COL4A5: variants seen among roughly 807,000 people sequenced by gnomAD.
COL4A5 encodes the protein collagen type IV alpha 5 chain.
Under a neutral mutation model 130.2 loss-of-function variants are expected in COL4A5, and 26 were observed. The observed-to-expected ratio is 0.20, with a 90% CI of 0.15 to 0.28. The LOEUF (loss-of-function observed/expected upper bound fraction) is 0.28. Among genes scored for constraint, COL4A5 ranks in the 10% least tolerant of loss-of-function variants. The pLI, the probability that COL4A5 is intolerant of heterozygous loss-of-function variation, is 1.00. For missense variants in COL4A5, 1,131 were observed against 1,344.3 expected, an observed-to-expected ratio of 0.84 and a Z score of 2.48; for synonymous variants, 496 against 439.6, an observed-to-expected ratio of 1.13 and a Z score of -1.60.
At position 108,694,801 on chromosome X, in the gene COL4A5, T is replaced by C; in HGVS notation, c.4707-6T>C. Reference sequence around the variant, plus strand: ...GATTATGTTCCTTCTCCTTTTCCTTTACCAGATGTGCAGTATGTGAAGCTC... The same window carrying C: ...GATTATGTTCCTTCTCCTTTTCCTTCACCAGATGTGCAGTATGTGAAGCTC... On this transcript the variant is annotated splice_region_variant and splice_polypyrimidine_tract_variant and intron_variant, in intron 50 of 52. Transcript: ENST00000328300. 1 of 1,186,002 alleles carries C rather than the reference T, an allele frequency of 8.4e-7. No homozygotes were observed. Among genetic ancestry groups the C allele is most frequent in the Non-Finnish European group, 1.1e-6 (1 of 872,078 alleles).
chrX:108,441,058 G>A (rs111730175), intron 1 of COL4A5, among the ~76,000 whole-genome samples: 1 of 111,113 alleles, frequency 9.0e-6, no homozygotes, highest in African/African-American at 3.3e-5. Flanking sequence ...TTCAGTTTTA[G>A]GAATGTAGAA....
intron 13 of COL4A5, 27 bp from the exon 14 acceptor site, chrX:108,580,506 G>A: frequency 8.5e-7 from 1 of 1,170,375 alleles, no homozygotes; most frequent in Non-Finnish European, 1.2e-6. Context: ...TATTAACATT[G>A]ATTTCCTTTC....
chrX:108,623,923 A>G (rs1305708760), intron 33 of COL4A5, among the ~76,000 whole-genome samples: 1 of 111,799 alleles, frequency 8.9e-6, no homozygotes, highest in Non-Finnish European at 1.9e-5. Context: ...CTTATTAAAT[A>G]TAGTCAGAAT....
rs757877136 is a variant in COL4A5 at position 108,595,568 on chromosome X, C to A, written c.1483C>A (p.Gln495Lys). ...AACTGGTATTTCAGGGCCTCCAGGT[C>A]AACCTGGTTTGCCAGGTCTCCCAGG... ...IGTGISGPPGQPGLPGLPGPP... is the reference protein window; with the variant it reads ...IGTGISGPPGKPGLPGLPGPP... Residue 495 changes from glutamine (Q) to lysine (K), a missense_variant, in exon 22 of 53, where the codon CAA becomes AAA. Coordinates refer to ENST00000328300, the MANE Select transcript of COL4A5 (RefSeq NM_033380.3). The A allele has an allele frequency of 9.1e-6, 11 of 1,212,089 alleles. No individual in the cohort carries two copies. Among genetic ancestry groups the A allele is most frequent in the East Asian group, 3.0e-5 (1 of 33,837 alleles).
At chrX:108,525,993 T>A (rs777795181) in intron 1 of COL4A5, among the ~76,000 whole-genome samples, 13 of 112,072 alleles carry the variant, frequency 1.2e-4, no homozygotes, top group African/African-American at 3.6e-4. Context: ...TTTTGCCTTA[T>A]GAGTTAGGGC....
intron 36 of COL4A5, among the ~76,000 whole-genome samples, chrX:108,639,482 T>C (rs1304234325): frequency 3.6e-5 from 4 of 111,368 alleles, no homozygotes; most frequent in Non-Finnish European, 7.6e-5. Flanking sequence ...TTCAATGATT[T>C]CTTGGATATG....
intron 1 of COL4A5, among the ~76,000 whole-genome samples, chrX:108,505,238 G>A (rs914513118): frequency 2.0e-5 from 2 of 100,085 alleles, no homozygotes; most frequent in African/African-American, 8.0e-5. Context: ...CAGAAGTGAG[G>A]AGTCGGTGAG....
chrX:108,623,752 A>G (rs1393451536), intron 33 of COL4A5, among the ~76,000 whole-genome samples: 1 of 111,935 alleles, frequency 8.9e-6, no homozygotes, highest in Non-Finnish European at 1.9e-5. Context: ...AAAGAATTAA[A>G]AATATTAATG....
chrX:108,675,226 A>G (rs1009739300), intron 43 of COL4A5, among the ~76,000 whole-genome samples: 1 of 111,606 alleles, frequency 9.0e-6, no homozygotes, highest in African/African-American at 3.3e-5. Context: ...TTAATAACTC[A>G]TAATTTGAAG....
chrX:108,470,944 C>T (rs756242272), intron 1 of COL4A5, among the ~76,000 whole-genome samples: 1 of 111,729 alleles, frequency 9.0e-6, no homozygotes, highest in African/African-American at 3.3e-5. Context: ...TGTCGAAGAT[C>T]AGATGGCTGT....
At chrX:108,531,188 A>T (rs753785581) in intron 1 of COL4A5, among the ~76,000 whole-genome samples, 446 of 76,619 alleles carry the variant, frequency 5.8e-3, no homozygotes, top group Non-Finnish European at 8.4e-3. Context: ...GAAGGGGAAC[A>T]TCACACTCTG....
chrX:108,632,199 C>A (rs1427558285), intron 36 of COL4A5, among the ~76,000 whole-genome samples: 1 of 111,312 alleles, frequency 9.0e-6, no homozygotes, highest in African/African-American at 3.3e-5. Context: ...ACTATAAACA[C>A]CTCTATGCAA....
At chrX:108,453,261 C>G (rs930054457) in intron 1 of COL4A5, among the ~76,000 whole-genome samples, 3 of 111,562 alleles carry the variant, frequency 2.7e-5, no homozygotes, top group Non-Finnish European at 5.6e-5. Context: ...TCTTAAAAGG[C>G]TATTAGAATG....
At chrX:108,473,745 C>T (rs1313125837) in intron 1 of COL4A5, among the ~76,000 whole-genome samples, 2 of 102,344 alleles carry the variant, frequency 2.0e-5, no homozygotes, top group Non-Finnish European at 4.0e-5. Flanking sequence ...GATTCTCCTG[C>T]CTCAGCCTCC....
chrX:108,684,114 G>A (rs1406528037), intron 47 of COL4A5, among the ~76,000 whole-genome samples: 6 of 111,354 alleles, frequency 5.4e-5, no homozygotes, highest in South Asian at 3.8e-4. Flanking sequence ...CAGCTAAAGC[G>A]GTGTTTAGAG....
chrX:108,674,291 C>A (rs2068262092), intron 42 of COL4A5, among the ~76,000 whole-genome samples: 2 of 111,092 alleles, frequency 1.8e-5, no homozygotes, highest in South Asian at 7.6e-4. Flanking sequence ...AAGAAATTGG[C>A]ACCTGGTGTT....
Position 108,677,482 on chromosome X carries a change from T to C in COL4A5, c.3809-18T>C. ...TAACACTATACTGAAATGTCGTCAT[T>C]TGCTGTGGATTATTAAGGTCTACCA... is the stretch of plus-strand genomic sequence containing the variant. On this transcript the variant is annotated intron_variant, in intron 43 of 52. Coordinates refer to ENST00000328300, the MANE Select transcript of COL4A5 (RefSeq NM_033380.3). The C allele has an allele frequency of 8.3e-7, 1 of 1,204,076 alleles. No individual in the cohort carries two copies.
intron 1 of COL4A5, among the ~76,000 whole-genome samples, chrX:108,509,342 T>C (rs2065159286): frequency 9.0e-6 from 1 of 111,453 alleles, no homozygotes; most frequent in Non-Finnish European, 1.9e-5. Context: ...AGGCTTAATA[T>C]CTGCGTAATT....
intron 1 of COL4A5, among the ~76,000 whole-genome samples, chrX:108,514,958 T>C (rs780744784): frequency 1.8e-5 from 2 of 112,010 alleles, no homozygotes; most frequent in East Asian, 5.6e-4. Context: ...AAAGCAGTTG[T>C]CTCATGGGTA....
Sources: gnomAD v4.1 joint callset for allele counts (sites outside exome capture counted in the v4.1 genomes callset) on GRCh38, gnomAD v4.1.1 for gene constraint, MANE v1.5 for transcripts, NCBI Gene and HGNC (gene_info 2026-07-23, HGNC 2026-07-21) for gene names.